TUT4: variants seen among roughly 807,000 people sequenced by gnomAD.
The protein encoded by TUT4 is terminal uridylyl transferase 4, also known as terminal uridylyltransferase 4.
In TUT4, 36 loss-of-function variants were observed where a neutral mutation model predicts 192.2. That is an observed-to-expected ratio of 0.19 (90% CI 0.14 to 0.25). TUT4 has a LOEUF of 0.25. TUT4 is among the 10% of genes least tolerant of loss of function. The pLI, the probability that TUT4 is intolerant of heterozygous loss-of-function variation, is 1.00. For synonymous variants in TUT4, 618 were observed against 666.0 expected (o/e 0.93, Z 1.11); for missense variants, 1,493 against 1,957.2 (o/e 0.76, Z 4.47).
intron 13 of TUT4, among the ~76,000 whole-genome samples, chr1:52,473,908 T>TAAAG (rs1427175351): frequency 6.6e-6 from 1 of 152,166 alleles, no homozygotes; most frequent in Non-Finnish European, 1.5e-5. Flanking sequence ...CTTTATGAGT[T>TAAAG]AAAGTTCAGA....
intron 6 of TUT4, among the ~76,000 whole-genome samples, chr1:52,494,534 A>C (rs1346581453): frequency 2.0e-5 from 3 of 152,162 alleles, no homozygotes; most frequent in Non-Finnish European, 4.4e-5. Context: ...TCTACTAAAA[A>C]TACAAAAATT....
chr1:52,463,891 A>G (rs1234032643), intron 16 of TUT4: 2 of 880,110 alleles, frequency 2.3e-6, no homozygotes, highest in African/African-American at 3.5e-5. Flanking sequence ...CAGTTTCAGA[A>G]AGCAGTGGTT....
intron 27 of TUT4, chr1:52,432,999 G>A (rs1202314112): frequency 1.3e-5 from 2 of 152,254 alleles, no homozygotes; most frequent in Admixed American, 1.3e-4. Context: ...AGGCTGTTGA[G>A]ACTGATTAGG....
At chr1:52,486,036 T>C (rs1210765486) in intron 9 of TUT4, among the ~76,000 whole-genome samples, 1 of 152,070 alleles carries the variant, frequency 6.6e-6, no homozygotes, top group Non-Finnish European at 1.5e-5. Context: ...ATTTGAAACA[T>C]TCCACTAGAA....
intron 20 of TUT4, among the ~76,000 whole-genome samples, chr1:52,452,695 C>G (rs1031151048): frequency 1.3e-5 from 2 of 152,192 alleles, no homozygotes; most frequent in Non-Finnish European, 2.9e-5. Context: ...ATCCCTTCTC[C>G]CATACCTTGT....
chr1:52,448,142 T>C (rs1658139258), intron 20 of TUT4, among the ~76,000 whole-genome samples: 1 of 152,240 alleles, frequency 6.6e-6, no homozygotes, highest in Non-Finnish European at 1.5e-5. Context: ...GTTTGTTGAA[T>C]GACTATATTT....
intron 1 of TUT4, among the ~76,000 whole-genome samples, chr1:52,540,648 T>C (rs1287520841): frequency 2.0e-5 from 3 of 152,194 alleles, no homozygotes; most frequent in African/African-American, 7.2e-5. Flanking sequence ...TATACATTAA[T>C]GAGGCACCCT....
chr1:52,518,333 A>C (rs145793217), intron 2 of TUT4, among the ~76,000 whole-genome samples: 4 of 152,356 alleles, frequency 2.6e-5, no homozygotes, highest in South Asian at 2.1e-4. Context: ...ATTTTCTCAT[A>C]GTTCTGGAGA....
At chr1:52,465,213 C>T in intron 15 of TUT4, 40 bp from the exon 16 acceptor site, 2 of 1,498,538 alleles carry the variant, frequency 1.3e-6, no homozygotes, top group East Asian at 4.6e-5. Flanking sequence ...TTATTATAAG[C>T]AGAGAGGAGG....
At chr1:52,542,580 C>T (rs747555200) in intron 1 of TUT4, among the ~76,000 whole-genome samples, 4 of 152,120 alleles carry the variant, frequency 2.6e-5, no homozygotes, top group Non-Finnish European at 5.9e-5. Context: ...AAATTCAATA[C>T]CCTTTCATGA....
chr1:52,493,246 G>C (rs1343463175), intron 7 of TUT4, among the ~76,000 whole-genome samples: 1 of 152,090 alleles, frequency 6.6e-6, no homozygotes, highest in East Asian at 1.9e-4. Flanking sequence ...ACCACGCCTG[G>C]CTAATTTTGT....
intron 2 of TUT4, among the ~76,000 whole-genome samples, chr1:52,523,453 GA>G (rs1377440540): frequency 6.6e-6 from 1 of 152,006 alleles, no homozygotes; most frequent in Non-Finnish European, 1.5e-5. Flanking sequence ...TAAAAATATA[GA>G]ATTAGCCAGG....
intron 20 of TUT4, among the ~76,000 whole-genome samples, chr1:52,457,959 CAGGCAA>C (rs1212107897): frequency 2.0e-5 from 3 of 152,242 alleles, no homozygotes; most frequent in African/African-American, 4.8e-5. Flanking sequence ...TCTTCATTGC[CAGGCAA>C]CAGGAGGGAA....
At chr1:52,440,784 G>T (rs1338218532) in intron 24 of TUT4, among the ~76,000 whole-genome samples, 4 of 152,114 alleles carry the variant, frequency 2.6e-5, no homozygotes, top group African/African-American at 9.7e-5. Context: ...CAAAATTGAA[G>T]ATGTAATATA....
chr1:52,427,929 G>C (rs1650516751), intron 28 of TUT4, among the ~76,000 whole-genome samples: 1 of 152,138 alleles, frequency 6.6e-6, no homozygotes, highest in African/African-American at 2.4e-5. Flanking sequence ...CTTACCAACA[G>C]AAAGAGCCTG....
intron 15 of TUT4, among the ~76,000 whole-genome samples, chr1:52,466,687 T>TGG (rs1664306265): frequency 1.4e-5 from 2 of 147,852 alleles, no homozygotes; most frequent in African/African-American, 5.0e-5. Context: ...TATATATTTT[T>TGG]GAGACAGAGT....
intron 1 of TUT4, among the ~76,000 whole-genome samples, chr1:52,526,986 T>C (rs1164980804): frequency 1.3e-5 from 2 of 152,100 alleles, no homozygotes; most frequent in African/African-American, 4.8e-5. Flanking sequence ...ATCATGCCAT[T>C]GTACTCCAGC....
intron 29 of TUT4, 58 bp downstream of exon 29, chr1:52,425,291 T>C (rs897415668): frequency 1.3e-5 from 20 of 1,553,982 alleles, no homozygotes; most frequent in Middle Eastern, 1.8e-4. Context: ...TCACTAAGGC[T>C]CTCTATCCCA....
At chr1:52,501,902 CAAATAGAAACAGA>C (rs1674204208) in intron 4 of TUT4, among the ~76,000 whole-genome samples, 1 of 151,848 alleles carries the variant, frequency 6.6e-6, no homozygotes, top group African/African-American at 2.4e-5. Context: ...AATAGACAAG[CAAATAGAAACAGA>C]AAATAGAATG....
Sources: allele counts gnomAD v4.1 joint callset (sites outside exome capture counted in the v4.1 genomes callset), GRCh38; gene constraint gnomAD v4.1.1; transcripts MANE v1.5; gene names NCBI Gene and HGNC (gene_info 2026-07-23, HGNC 2026-07-21).